ZNF695: variants seen among roughly 807,000 people sequenced by gnomAD.
ZNF695 encodes the protein zinc finger protein 695, also known as zinc finger protein SBZF3.
In ZNF695, 11 loss-of-function variants were observed where a neutral mutation model predicts 11.2. That is an observed-to-expected ratio of 0.98 (90% CI 0.62 to 1.62). The LOEUF (loss-of-function observed/expected upper bound fraction) is 1.62. Ranked by LOEUF, ZNF695 falls within the 40% of genes most tolerant of loss-of-function variation. ZNF695 has a pLI of 0.00. For missense variants in ZNF695, 559 were observed against 590.5 expected (o/e 0.95, Z 0.55); for synonymous variants, 190 against 201.4 (o/e 0.94, Z 0.48).
In ZNF695 at chr1:246,986,638, G is replaced by T; in HGVS notation, c.*329C>A. 1 of 1,035,208 alleles carries T rather than the reference G, an allele frequency of 9.7e-7. No individual in the cohort carries two copies. The highest frequency in any genetic ancestry group is 1.2e-6 in the Non-Finnish European group (1 of 862,786). 64.1% of individuals were successfully genotyped at this position (1,035,208 alleles called of 1,614,324 possible). On this transcript the variant is annotated 3_prime_UTR_variant, in exon 4 of 4. Coordinates refer to ENST00000339986, the MANE Select transcript of ZNF695 (RefSeq NM_020394.5). ...TCTGAGGTATATTTTTTGAACAAAT[G>T]TTGTTTCTGCATTTATTACATTTGT...
chr1:247,007,314 G>A (rs1669567042), intron 1 of ZNF695, among the ~76,000 whole-genome samples: 1 of 151,968 alleles, frequency 6.6e-6, no homozygotes, highest in Admixed American at 6.6e-5. Context: ...CACCAACATG[G>A]TGAAATCTCC....
chr1:247,000,582 G>A (rs1486686367), intron 1 of ZNF695, among the ~76,000 whole-genome samples: 1 of 152,082 alleles, frequency 6.6e-6, no homozygotes, highest in Non-Finnish European at 1.5e-5. Context: ...AAAGAAGATG[G>A]CTTAAGATCC....
At chr1:246,948,686 A>G (rs1667798038) in intron 5 of ZNF695, among the ~76,000 whole-genome samples, 1 of 152,180 alleles carries the variant, frequency 6.6e-6, no homozygotes, top group South Asian at 2.1e-4. Context: ...GTGTACAATA[A>G]ATAGTTGTTT....
At chr1:246,993,982 T>C (rs1245685874) in intron 3 of ZNF695, among the ~76,000 whole-genome samples, 1 of 152,080 alleles carries the variant, frequency 6.6e-6, no homozygotes, top group African/African-American at 2.4e-5. Flanking sequence ...AGGACCAGCC[T>C]AGCCAATATG....
chr1:247,007,637 G>C (rs1423756208), intron 1 of ZNF695, among the ~76,000 whole-genome samples: 1 of 152,280 alleles, frequency 6.6e-6, no homozygotes, highest in African/African-American at 2.4e-5. Flanking sequence ...GGCGCTGCGG[G>C]CGCGGGGCTG....
chr1:247,007,966 C>A lies in ZNF695; in HGVS notation c.-58G>T. The A allele has an allele frequency of 6.8e-7, 1 of 1,461,510 alleles. No individual in the cohort carries two copies. 90.5% of individuals were successfully genotyped at this position (1,461,510 alleles called of 1,614,324 possible). On this transcript the variant is annotated 5_prime_UTR_variant, in exon 1 of 4. Transcript: ENST00000339986. ...TATAAATCTCGCAATACCTGCAGGC[C>A]ACAGGGCGATGGAGCCTGCGGCAGT...
chr1:246,976,196 T>C lies in ZNF695; in HGVS notation c.391-8404A>G, dbSNP rs114038288. Among the ~76,000 whole-genome samples, 817 of 152,328 alleles carry C rather than the reference T, an allele frequency of 5.4e-3. 7 individuals are homozygous for C. The highest frequency in any genetic ancestry group is 0.01 in the Middle Eastern group (3 of 294). ...CTCACACATAAAAAACTTGTCCTTATGTCTCTCTTGAAATCTATGCAGAAA... is the reference window on the plus strand; with the variant it reads ...CTCACACATAAAAAACTTGTCCTTACGTCTCTCTTGAAATCTATGCAGAAA... On this transcript the variant is annotated intron_variant, in intron 4 of 5. Coordinates refer to the ZNF695 transcript ENST00000487338.
intron 4 of ZNF695, among the ~76,000 whole-genome samples, chr1:246,971,020 A>C (rs1358562043): frequency 6.6e-6 from 1 of 152,206 alleles, no homozygotes; most frequent in East Asian, 1.9e-4. Context: ...AAGAAAAGAC[A>C]GCTGGGCCCA....
At chr1:246,950,363 A>C (rs1667841496) in intron 5 of ZNF695, among the ~76,000 whole-genome samples, 1 of 152,102 alleles carries the variant, frequency 6.6e-6, no homozygotes, top group Non-Finnish European at 1.5e-5. Context: ...AAAATAATCC[A>C]CCCAGGCCAG....
chr1:246,953,286 T>C (rs1451037156), intron 5 of ZNF695, among the ~76,000 whole-genome samples: 1 of 152,120 alleles, frequency 6.6e-6, no homozygotes, highest in Admixed American at 6.6e-5. Context: ...ACCTAGATGC[T>C]GATTGCTTAT....
chr1:246,981,192 C>CTT (rs1668701771), downstream of ZNF695, among the ~76,000 whole-genome samples: 1 of 152,186 alleles, frequency 6.6e-6, no homozygotes, highest in African/African-American at 2.4e-5. Flanking sequence ...TCACCTCACT[C>CTT]TTGTTAGAAC....
At chr1:246,971,862 G>A (rs190634548) in intron 4 of ZNF695, among the ~76,000 whole-genome samples, 1 of 152,154 alleles carries the variant, frequency 6.6e-6, no homozygotes, top group East Asian at 1.9e-4. Context: ...CGCCCACAGT[G>A]CACCACCACA....
intron 3 of ZNF695, 116 bp from the exon 4 acceptor site, chr1:246,988,371 C>T: frequency 1.4e-6 from 1 of 729,524 alleles, no homozygotes; most frequent in African/African-American, 1.8e-5. Context: ...TACCACAGGC[C>T]CTTATTCCTT....
chr1:246,978,971 T>G (rs1035933693), intron 4 of ZNF695, among the ~76,000 whole-genome samples: 7 of 152,230 alleles, frequency 4.6e-5, no homozygotes, highest in African/African-American at 1.7e-4. Context: ...GACTCTAGTC[T>G]TGTTTATCCA....
At chr1:246,990,519 T>G (rs1292187410) in intron 3 of ZNF695, among the ~76,000 whole-genome samples, 2 of 152,230 alleles carry the variant, frequency 1.3e-5, no homozygotes, top group African/African-American at 4.8e-5. Flanking sequence ...GTAACCGCTA[T>G]ATACTTCAGG....
intron 5 of ZNF695, among the ~76,000 whole-genome samples, chr1:246,964,092 G>C (rs1668229487): frequency 6.6e-6 from 1 of 152,172 alleles, no homozygotes; most frequent in South Asian, 2.1e-4. Context: ...AGGTATGGGG[G>C]AGGGGGCAGG....
Position 246,999,452 on chromosome 1 carries a change from GA to G in ZNF695, c.167-13del. 6.2e-7 allele frequency: 1 copy of G among 1,601,474 alleles called. No individual in the cohort carries two copies. Among genetic ancestry groups the G allele is most frequent in the Non-Finnish European group, 8.5e-7 (1 of 1,170,530 alleles). ...AGACATAGCAAGACCTGTTTTATTA[GA>G]AAAAAGGTGCATGATTCTTGCAGGG... On this transcript the variant is annotated splice_polypyrimidine_tract_variant and intron_variant, in intron 2 of 3. Coordinates refer to ENST00000339986, the MANE Select transcript of ZNF695 (RefSeq NM_020394.5).
intron 5 of ZNF695, among the ~76,000 whole-genome samples, chr1:246,954,968 C>T (rs192189772): frequency 8.5e-5 from 13 of 152,224 alleles, no homozygotes; most frequent in Admixed American, 1.3e-4. Context: ...CAAATCTCAT[C>T]CAAATCTCAT....
chr1:246,952,925 A>C (rs959003774), intron 5 of ZNF695, among the ~76,000 whole-genome samples: 3 of 151,692 alleles, frequency 2.0e-5, no homozygotes, highest in African/African-American at 7.3e-5. Flanking sequence ...TATCTGTATA[A>C]ATTTTGTTTT....
Sources: allele counts gnomAD v4.1 joint callset (sites outside exome capture counted in the v4.1 genomes callset), GRCh38; gene constraint gnomAD v4.1.1; transcripts MANE v1.5; gene names NCBI Gene and HGNC (gene_info 2026-07-23, HGNC 2026-07-21).